Variants in LRRC37A2 observed in about 807,000 individuals in gnomAD.
The protein encoded by LRRC37A2 is leucine rich repeat containing 37 member A2, also known as leucine-rich repeat-containing protein 37A2.
LRRC37A2 carries 9 observed loss-of-function variants against 68.8 expected under a neutral mutation model. That is an observed-to-expected ratio of 0.13 (90% CI 0.08 to 0.23). The LOEUF (loss-of-function observed/expected upper bound fraction) is 0.23, where lower values mean the gene tolerates loss of function less well. Among genes scored for constraint, LRRC37A2 ranks in the 10% least tolerant of loss-of-function variants. The pLI, the probability that LRRC37A2 is intolerant of heterozygous loss-of-function variation, is 1.00. For synonymous variants in LRRC37A2, 63 were observed against 367.6 expected (o/e 0.17, Z 9.48); for missense variants, 168 against 950.4 (o/e 0.18, Z 10.82).
chr17:46,583,170 G>A, the LRRC37A2 span, among the ~76,000 whole-genome samples: 2 of 57,760 alleles, frequency 3.5e-5, no homozygotes, highest in East Asian at 2.6e-4. Context: ...CACCATGTTA[G>A]CTAGGTTGGT....
chr17:46,455,601 T>C, the LRRC37A2 span, among the ~76,000 whole-genome samples: 2 of 104,860 alleles, frequency 1.9e-5, 1 homozygote, highest in Non-Finnish European at 4.2e-5. Context: ...TTGTACTTTT[T>C]TTCTTAAAGA....
chr17:46,456,236 G>T, the LRRC37A2 span, among the ~76,000 whole-genome samples: 1 of 114,000 alleles, frequency 8.8e-6, no homozygotes, highest in African/African-American at 3.1e-5. Flanking sequence ...GTGTGTGTGT[G>T]TGTGTGTGTG....
the LRRC37A2 span, among the ~76,000 whole-genome samples, chr17:46,741,660 A>G: frequency 1.3e-5 from 2 of 152,136 alleles, no homozygotes; most frequent in African/African-American, 4.8e-5. Flanking sequence ...AAGAGGCCCA[A>G]TTCCTCTCCC....
the LRRC37A2 span, among the ~76,000 whole-genome samples, chr17:46,719,449 CAATT>C: frequency 4.6e-5 from 7 of 152,224 alleles, no homozygotes; most frequent in African/African-American, 1.4e-4. This position sits in a 1 kb window ranked among gnomAD's most constrained non-coding sequence, Gnocchi z 4.3. Context: ...AGTTTATTCT[CAATT>C]AATTTAAAAT....
the LRRC37A2 span, chr17:46,756,083 T>G: frequency 4.8e-5 from 21 of 437,828 alleles, no homozygotes; most frequent in East Asian, 7.6e-4. Flanking sequence ...TCCTTCTTGC[T>G]CAGTCCCTCT....
the LRRC37A2 span, among the ~76,000 whole-genome samples, chr17:46,910,853 A>G: frequency 2.0e-5 from 3 of 152,226 alleles, no homozygotes; most frequent in Non-Finnish European, 4.4e-5. Context: ...CGGTCAGCTC[A>G]TGCAGTGCAG....
chr17:46,854,088 C>A, the LRRC37A2 span, among the ~76,000 whole-genome samples: 1 of 152,170 alleles, frequency 6.6e-6, no homozygotes, highest in Admixed American at 6.6e-5. Flanking sequence ...AAAGCCACCA[C>A]CACCCCAATC....
the LRRC37A2 span, among the ~76,000 whole-genome samples, chr17:46,795,008 C>G: frequency 6.6e-6 from 1 of 152,096 alleles, no homozygotes; most frequent in African/African-American, 2.4e-5. Context: ...GCCTCGGCCT[C>G]CCAAAATACT....
chr17:47,030,118 C>CT, the LRRC37A2 span, among the ~76,000 whole-genome samples: 1 of 129,406 alleles, frequency 7.7e-6, no homozygotes. Flanking sequence ...TCATCATCAT[C>CT]ATCATCATCA....
the LRRC37A2 span, among the ~76,000 whole-genome samples, chr17:46,897,562 A>C: frequency 6.6e-6 from 1 of 152,148 alleles, no homozygotes; most frequent in African/African-American, 2.4e-5. Context: ...CTCACACTGG[A>C]TTGAGAAGCT....
the LRRC37A2 span, among the ~76,000 whole-genome samples, chr17:46,961,128 A>C: frequency 6.6e-6 from 1 of 152,198 alleles, no homozygotes; most frequent in Non-Finnish European, 1.5e-5. Flanking sequence ...GATTTTGCCG[A>C]GGATAAAGGT....
chr17:46,929,617 T>C, the LRRC37A2 span: 1 of 1,079,984 alleles, frequency 9.3e-7, no homozygotes, highest in South Asian at 1.2e-5. Flanking sequence ...CAGAGTCCTT[T>C]CTCTGATGAC....
At chr17:46,939,397 GT>G in the LRRC37A2 span, 1 of 995,458 alleles carries the variant, frequency 1.0e-6, no homozygotes, top group Non-Finnish European at 1.2e-6. Context: ...ACAGCTGGGT[GT>G]TTCTCTTTTC....
chr17:47,010,010 G>A, the LRRC37A2 span, among the ~76,000 whole-genome samples: 2 of 152,224 alleles, frequency 1.3e-5, no homozygotes, highest in Non-Finnish European at 1.5e-5. Flanking sequence ...ATGGTTGACC[G>A]ATGCTGACTG....
the LRRC37A2 span, among the ~76,000 whole-genome samples, chr17:46,729,324 T>C: frequency 6.6e-6 from 1 of 152,170 alleles, no homozygotes; most frequent in African/African-American, 2.4e-5. Context: ...TTCCTAAAAA[T>C]TTGTTTATGG....
At chr17:46,900,151 C>CTA in the LRRC37A2 span, among the ~76,000 whole-genome samples, 2,333 of 80,952 alleles carry the variant, frequency 0.029, 124 homozygotes, top group African/African-American at 0.11. Flanking sequence ...CCATCCTTTT[C>CTA]TATATATATA....
At chr17:46,974,820 C>T in the LRRC37A2 span, among the ~76,000 whole-genome samples, 2 of 152,122 alleles carry the variant, frequency 1.3e-5, no homozygotes, top group Non-Finnish European at 2.9e-5. Context: ...CAGGCAACCT[C>T]TTGGAGCCTC....
the LRRC37A2 span, among the ~76,000 whole-genome samples, chr17:46,847,488 T>C: frequency 6.6e-6 from 1 of 152,158 alleles, no homozygotes; most frequent in Admixed American, 6.5e-5. Context: ...CTAGGACTGA[T>C]GGGAGTGGTC....
the LRRC37A2 span, among the ~76,000 whole-genome samples, chr17:46,976,603 C>T: frequency 4.5e-4 from 68 of 152,212 alleles, no homozygotes; most frequent in African/African-American, 1.3e-3. Context: ...GTTCTCTTCT[C>T]GCCCCAGTCA....
Sources: gnomAD v4.1 joint callset for allele counts (sites outside exome capture counted in the v4.1 genomes callset) on GRCh38, gnomAD v4.1.1 for gene constraint, Gnocchi (gnomAD v3.1) non-coding constraint, MANE v1.5 for transcripts, NCBI Gene and HGNC (gene_info 2026-07-23, HGNC 2026-07-21) for gene names.